Variants in MROH1 observed in about 807,000 individuals in gnomAD.
MROH1 encodes maestro heat-like repeat-containing protein family member 1.
Under a neutral mutation model 116.5 loss-of-function variants are expected in MROH1, and 117 were observed. The ratio of observed to expected loss-of-function variants is 1.00; its 90% CI spans 0.86 to 1.17. The LOEUF is 1.17. MROH1 is among the 50% of genes most tolerant of loss of function. MROH1 has a pLI of 0.00. For synonymous variants in MROH1, 921 were observed against 583.9 expected, an observed-to-expected ratio of 1.58 and a Z score of -8.32; for missense variants, 1,873 against 1,338.5, an observed-to-expected ratio of 1.40 and a Z score of -6.23.
chr8:144,183,545 G>A (rs1826197605), intron 7 of MROH1, among the ~76,000 whole-genome samples: 1 of 151,792 alleles, frequency 6.6e-6, no homozygotes, highest in Admixed American at 6.6e-5. Flanking sequence ...CTAGGCCCAC[G>A]GAGGTCAAGA....
At chr8:144,239,466 G>T in intron 17 of MROH1, 103 bp downstream of exon 17, 1 of 773,344 alleles carries the variant, frequency 1.3e-6, no homozygotes. Context: ...GCCGCGGTCA[G>T]GGCTCAGGTG....
chr8:144,176,730 A>G (rs62530345), intron 4 of MROH1, among the ~76,000 whole-genome samples: 149,391 of 151,138 alleles, frequency 0.99, 73,849 homozygotes, highest in East Asian at 1. Context: ...TCGGGAGGCT[A>G]AGGCAGGAGA....
At chr8:144,177,424 C>T (rs538727940) in intron 4 of MROH1, among the ~76,000 whole-genome samples, 159 of 152,348 alleles carry the variant, frequency 1.0e-3, no homozygotes, top group African/African-American at 3.7e-3. Context: ...TCACGAAGCT[C>T]CCAATCCTTC....
intron 10 of MROH1, among the ~76,000 whole-genome samples, chr8:144,195,209 A>AAAAAAAAAAAAAAAAAAAC: frequency 7.3e-6 from 1 of 137,070 alleles, no homozygotes; most frequent in Non-Finnish European, 1.6e-5. Context: ...AAAAAAAAAA[A>AAAAAAAAAAAAAAAAAAAC]AAAAAAAAAA....
In MROH1 at chr8:144,206,140, C is replaced by T. The variant is rs186933795; in HGVS notation, c.1141+5599C>T. Among the ~76,000 whole-genome samples, 360 of 152,302 alleles carry T rather than the reference C, an allele frequency of 2.4e-3. 2 individuals are homozygous for T. Among genetic ancestry groups the T allele is most frequent in the African/African-American group, 8.4e-3 (349 of 41,568 alleles). On this transcript the variant is annotated intron_variant, in intron 12 of 43. Coordinates refer to ENST00000326134, the MANE Select transcript of MROH1 (RefSeq NM_032450.3). ...TCACAGCTCACTGCAGCCTTGACCT[C>T]ACGGGTTCAAGGGATCTTCCTGCCT... is the stretch of plus-strand genomic sequence containing the variant.
chr8:144,255,415 T>C (rs1278419461), intron 34 of MROH1, 94 bp from the exon 35 acceptor site: 3 of 709,848 alleles, frequency 4.2e-6, no homozygotes, highest in Non-Finnish European at 5.3e-6. Flanking sequence ...GAGCACATGA[T>C]GCAGGCGAAG....
At chr8:144,151,106 A>C (rs1816634559) in intron 1 of MROH1, among the ~76,000 whole-genome samples, 1 of 151,768 alleles carries the variant, frequency 6.6e-6, no homozygotes, top group South Asian at 2.1e-4. Flanking sequence ...AAATTCGTCG[A>C]GTGTGGCGGT....
intron 3 of MROH1, among the ~76,000 whole-genome samples, 170 bp from the exon 4 acceptor site, chr8:144,168,125 C>T (rs994166798): frequency 7.2e-5 from 11 of 152,196 alleles, no homozygotes; most frequent in Non-Finnish European, 1.2e-4. Context: ...ACCCCTGCAG[C>T]AGCTCAGGTG....
chr8:144,179,917 G>T (rs1825116936), intron 5 of MROH1, among the ~76,000 whole-genome samples: 1 of 151,188 alleles, frequency 6.6e-6, no homozygotes, highest in African/African-American at 2.4e-5. Context: ...ACTGAGTGCA[G>T]CCCCCTCTCA....
At chr8:144,165,680 T>G (rs1820635383) in intron 3 of MROH1, among the ~76,000 whole-genome samples, 1 of 151,794 alleles carries the variant, frequency 6.6e-6, no homozygotes, top group African/African-American at 2.4e-5. Flanking sequence ...CCTCAAGGGA[T>G]CCTCCCACCT....
chr8:144,255,577 C>G lies in MROH1; in HGVS notation c.3663C>G (p.Pro1221=), dbSNP rs965317484. The change falls in exon 35 of 44, where the codon CCC becomes CCG. Residue 1221 remains proline, a synonymous_variant. Coordinates refer to ENST00000326134, the MANE Select transcript of MROH1 (RefSeq NM_032450.3). ...GGCCCGCGGTGCTCGAGCTCTACCC[C>G]CAGCTGTTTGTGGTGCTTCTGCTGC... ...AAGPAVLELY[P]QLFVVLLLRV... is the part of the protein sequence containing the mutation. 21 of 779,268 alleles carry G rather than the reference C, an allele frequency of 2.7e-5. No homozygotes were observed. The highest frequency in any genetic ancestry group is 6.8e-5 in the Admixed American group (4 of 59,008). The allele number at this position is 779,268 out of a possible 1,614,324, so 48.3% of individuals were successfully genotyped here. A position where few individuals can be genotyped will look rare whatever the true frequency, so the allele number is the denominator to read the frequency against.
rs1023953819 is a variant in MROH1, at chr8:144,261,098, C to T, written c.4672-16C>T. ...GTGGGGCGGGGCCAGGCGGCACTGACCAGGCCTCTCCCCAGATGCACCATT... is the reference window on the plus strand; with the variant it reads ...GTGGGGCGGGGCCAGGCGGCACTGATCAGGCCTCTCCCCAGATGCACCATT... On this transcript the variant is annotated splice_polypyrimidine_tract_variant and intron_variant, in intron 41 of 43. Coordinates refer to ENST00000326134, the MANE Select transcript of MROH1 (RefSeq NM_032450.3). 1.5e-5 allele frequency: 12 copies of T among 775,482 alleles called. No individual in the cohort carries two copies. The highest frequency in any genetic ancestry group is 5.1e-5 in the African/African-American group (3 of 59,160). 48.0% of individuals were successfully genotyped at this position (775,482 alleles called of 1,614,324 possible).
At chr8:144,248,740 G>T (rs1325901169) in intron 31 of MROH1, 137 bp from the exon 32 acceptor site, 2 of 690,084 alleles carry the variant, frequency 2.9e-6, no homozygotes, top group African/African-American at 3.5e-5. Context: ...AAGGCGCAGG[G>T]CCCAGCGGCT....
At chr8:144,202,707 C>CCG (rs1225108186) in intron 12 of MROH1, among the ~76,000 whole-genome samples, 6 of 132,280 alleles carry the variant, frequency 4.5e-5, no homozygotes, top group Admixed American at 7.6e-5. Flanking sequence ...AGGGGAGCGT[C>CCG]CTTTCTGTGG....
chr8:144,192,439 C>T, intron 10 of MROH1, 38 bp downstream of exon 10: 1 of 1,517,778 alleles, frequency 6.6e-7, no homozygotes, highest in South Asian at 1.2e-5. Context: ...CCAGGTTCTG[C>T]ACACCCTTCC....
chr8:144,227,910 A>C (rs1838107895), intron 14 of MROH1, among the ~76,000 whole-genome samples: 1 of 151,478 alleles, frequency 6.6e-6, no homozygotes, highest in African/African-American at 2.4e-5. Context: ...CTGTGATCAC[A>C]CCACTGCGCT....
At position 144,260,391 on chromosome 8, in the gene MROH1, AG is replaced by A; in HGVS notation, c.4380+22del. On this transcript the variant is annotated intron_variant, in intron 39 of 43. Coordinates refer to ENST00000326134, the MANE Select transcript of MROH1 (RefSeq NM_032450.3). ...TTCGACAGTGTAGGCTGGTTGGGGCAGGGGGAGGGAAGAGGGCCCCAGCCCT... is the reference window on the plus strand; with the variant it reads ...TTCGACAGTGTAGGCTGGTTGGGGCAGGGGAGGGAAGAGGGCCCCAGCCCT... The A allele has an allele frequency of 2.9e-6, 2 of 686,866 alleles. No individual in the cohort carries two copies. 42.5% of individuals were successfully genotyped at this position (686,866 alleles called of 1,614,324 possible). A position where few individuals can be genotyped will look rare whatever the true frequency, so the allele number is the denominator to read the frequency against.
At chr8:144,170,273 A>G (rs934518317) in intron 4 of MROH1, among the ~76,000 whole-genome samples, 9 of 152,200 alleles carry the variant, frequency 5.9e-5, no homozygotes, top group Middle Eastern at 3.4e-3. Flanking sequence ...TGCTTGTCCT[A>G]CTTTGTTTCT....
At chr8:144,247,946 T>C (rs1588472296) in intron 31 of MROH1, among the ~76,000 whole-genome samples, 5 of 152,226 alleles carry the variant, frequency 3.3e-5, no homozygotes, top group Non-Finnish European at 7.3e-5. Context: ...AAGGAGAGAA[T>C]GGGGTGCCAT....
Sources: gnomAD v4.1 joint callset for allele counts (sites outside exome capture counted in the v4.1 genomes callset) on GRCh38, gnomAD v4.1.1 for gene constraint, MANE v1.5 for transcripts, NCBI Gene and HGNC (gene_info 2026-07-23, HGNC 2026-07-21) for gene names.